ROBO2: variants seen among roughly 807,000 people sequenced by gnomAD.
ROBO2 encodes the protein roundabout guidance receptor 2.
Under a neutral mutation model 160.8 loss-of-function variants are expected in ROBO2, and 53 were observed. The ratio of observed to expected loss-of-function variants is 0.33; its 90% confidence interval spans 0.26 to 0.41. ROBO2 has a LOEUF of 0.41. Ranked by LOEUF, ROBO2 falls within the 10% of genes least tolerant of loss-of-function variation. The pLI, the probability that ROBO2 is intolerant of heterozygous loss-of-function variation, is 1.00. For missense variants in ROBO2, 1,577 were observed against 1,722.4 expected (o/e 0.92, Z 1.49); for synonymous variants, 664 against 611.7 (o/e 1.09, Z -1.26).
At chr3:77,008,441 T>C (rs1274249015) in intron 2 of ROBO2, among the ~76,000 whole-genome samples, 1 of 152,156 alleles carries the variant, frequency 6.6e-6, no homozygotes, top group East Asian at 1.9e-4. Flanking sequence ...AAAGTGATAA[T>C]AGATAAAAGT....
intron 2 of ROBO2, among the ~76,000 whole-genome samples, chr3:77,164,938 G>A (rs1396415509): frequency 8.4e-6 from 1 of 119,606 alleles, no homozygotes; most frequent in East Asian, 2.2e-4. Context: ...AGGGAGGTGG[G>A]GGCGGTCAGC....
chr3:76,810,070 A>C (rs1201772635), intron 2 of ROBO2, among the ~76,000 whole-genome samples: 1 of 152,162 alleles, frequency 6.6e-6, no homozygotes, highest in Non-Finnish European at 1.5e-5. Context: ...GGGAAAATTA[A>C]AATGAGTTAT....
In ROBO2 at chr3:77,474,418, C is replaced by T. The variant is rs531214129; in HGVS notation, c.389-2996C>T. Among the ~76,000 whole-genome samples the T allele has an allele frequency of 3.3e-5, 5 of 152,214 alleles. No homozygotes were observed. The South Asian group carries it at 1.0e-3, about 32-fold the overall frequency. ...CAAAGGGGACGCTTTCCCTTGGCCC[C>T]TACAACTTGGTAGAAATGTAAATTA... On this transcript the variant is annotated intron_variant, in intron 2 of 25. Coordinates refer to ENST00000461745, the Ensembl canonical transcript of ROBO2.
At chr3:77,140,743 T>C (rs1486127324) in intron 2 of ROBO2, among the ~76,000 whole-genome samples, 1 of 152,226 alleles carries the variant, frequency 6.6e-6, no homozygotes. Context: ...CAATTTAATA[T>C]CTACTGATGG....
chr3:77,240,456 C>T (rs550061889), intron 2 of ROBO2, among the ~76,000 whole-genome samples: 2 of 152,152 alleles, frequency 1.3e-5, no homozygotes, highest in East Asian at 1.9e-4. Flanking sequence ...GGTTCCTGCC[C>T]GCGCCTCTCC....
chr3:77,048,244 A>G (rs768398624), intron 1 of ROBO2, among the ~76,000 whole-genome samples: 12 of 152,186 alleles, frequency 7.9e-5, no homozygotes, highest in Non-Finnish European at 1.6e-4. Flanking sequence ...GACAATTTTA[A>G]TAAGATTTTT....
chr3:76,431,313 A>C (rs2109017771), intron 2 of ROBO2, among the ~76,000 whole-genome samples: 1 of 152,252 alleles, frequency 6.6e-6, no homozygotes, highest in East Asian at 1.9e-4. Flanking sequence ...TTAAAAAATT[A>C]ACATATGTAC....
chr3:77,243,235 A>G (rs1172870642), intron 2 of ROBO2, among the ~76,000 whole-genome samples: 3 of 152,194 alleles, frequency 2.0e-5, no homozygotes, highest in Non-Finnish European at 4.4e-5. Flanking sequence ...GCAAAATAAT[A>G]ATTTGCTTCT....
At chr3:76,381,457 C>T (rs1456894785) in intron 2 of ROBO2, among the ~76,000 whole-genome samples, 2 of 152,044 alleles carry the variant, frequency 1.3e-5, no homozygotes, top group East Asian at 1.9e-4. Context: ...TTAAGCGATT[C>T]TCCTGCCTCA....
In ROBO2 at chr3:76,092,162, G is replaced by A. The variant is rs143493726; in HGVS notation, c.109+154560G>A. On this transcript the variant is annotated intron_variant, in intron 2 of 26. Transcript: ENST00000487694. ...GGATGTTGATAGTGTGGGACGTTGC[G>A]CATGTGTGGGGACAAAAAGTTTATG... Among the ~76,000 whole-genome samples, 7 of 152,208 alleles carry A rather than the reference G, an allele frequency of 4.6e-5. No homozygotes were observed. The East Asian group carries it at 1.4e-3, about 29-fold the overall frequency.
At chr3:76,396,897 C>T (rs2077489008) in intron 2 of ROBO2, among the ~76,000 whole-genome samples, 1 of 152,080 alleles carries the variant, frequency 6.6e-6, no homozygotes, top group African/African-American at 2.4e-5. Flanking sequence ...GGCCATACTG[C>T]CCAAGGTAAT....
At chr3:76,654,983 C>A (rs1472767613) in intron 2 of ROBO2, among the ~76,000 whole-genome samples, 1 of 146,926 alleles carries the variant, frequency 6.8e-6, no homozygotes, top group Non-Finnish European at 1.5e-5. Flanking sequence ...AGTAAAGATA[C>A]CTTAATATTC....
At chr3:76,700,586 C>T (rs2093026908) in intron 2 of ROBO2, among the ~76,000 whole-genome samples, 1 of 152,084 alleles carries the variant, frequency 6.6e-6, no homozygotes, top group African/African-American at 2.4e-5. Context: ...TGACTATATA[C>T]AGGGTGTCAT....
At chr3:76,693,626 C>A (rs145427968) in intron 2 of ROBO2, among the ~76,000 whole-genome samples, 7 of 152,010 alleles carry the variant, frequency 4.6e-5, no homozygotes, top group Non-Finnish European at 1.0e-4. Context: ...TAGCGCAGTC[C>A]AAGTCTGAAG....
At chr3:76,628,041 G>GTACTA (rs35961909) in intron 2 of ROBO2, among the ~76,000 whole-genome samples, 1 of 21,592 alleles carries the variant, frequency 4.6e-5, no homozygotes, top group African/African-American at 2.5e-4. Context: ...AGGAAAAAAG[G>GTACTA]TATATTAGGT....
At chr3:76,435,305 C>G in intron 2 of ROBO2, 1 of 935,956 alleles carries the variant, frequency 1.1e-6, no homozygotes, top group Admixed American at 1.7e-5. Flanking sequence ...CCAAATCTTC[C>G]TAGATGAACA....
At chr3:76,430,832 A>G (rs1577136467) in intron 2 of ROBO2, among the ~76,000 whole-genome samples, 1 of 152,062 alleles carries the variant, frequency 6.6e-6, no homozygotes, top group Admixed American at 6.5e-5. Context: ...CATTTTGCGT[A>G]TATGTTATTT....
At chr3:77,629,334 ACAGT>A (rs2095107084) in intron 23 of ROBO2, 1 of 152,182 alleles carries the variant, frequency 6.6e-6, no homozygotes, top group Admixed American at 6.5e-5. Flanking sequence ...TAGCTACACC[ACAGT>A]CAGTTTTATA....
At chr3:76,520,333 C>T (rs2081542666) in intron 2 of ROBO2, among the ~76,000 whole-genome samples, 1 of 152,144 alleles carries the variant, frequency 6.6e-6, no homozygotes, top group Admixed American at 6.5e-5. Flanking sequence ...CACATGTAAT[C>T]CCAGTTACTT....
Sources: allele counts gnomAD v4.1 joint callset (sites outside exome capture counted in the v4.1 genomes callset), GRCh38; gene constraint gnomAD v4.1.1; transcripts MANE v1.5; gene names NCBI Gene and HGNC (gene_info 2026-07-23, HGNC 2026-07-21).